Variants in KIAA1328 observed in about 807,000 individuals in gnomAD.
KIAA1328 encodes KIAA1328.
A neutral mutation model predicts 68.1 loss-of-function variants in KIAA1328; 52 were observed. That is an observed-to-expected ratio of 0.76 (90% confidence interval 0.61 to 0.96). KIAA1328 has a LOEUF of 0.96. Ranked by LOEUF, KIAA1328 falls within the 40% of genes least tolerant of loss-of-function variation. The pLI is 0.00. For synonymous variants in KIAA1328, 232 were observed against 239.4 expected (o/e 0.97, Z 0.28); for missense variants, 641 against 677.6 (o/e 0.95, Z 0.60).
chr18:37,167,987 C>T lies in KIAA1328; in HGVS notation c.1415-4986C>T, dbSNP rs201282899. 2.0e-5 allele frequency among the ~76,000 whole-genome samples: 3 copies of T among 152,020 alleles called. No individual in the cohort carries two copies. In the East Asian group the frequency reaches 5.8e-4, roughly 29 times the overall value. On this transcript the variant is annotated intron_variant, in intron 8 of 9. Transcript: ENST00000280020. ...TATACTTAACAAAATACTAGCAAGC[C>T]GAATACAGCATATTGAAAGGATTAT...
intron 4 of KIAA1328, among the ~76,000 whole-genome samples, chr18:36,877,362 T>C (rs1469336514): frequency 2.0e-5 from 3 of 152,184 alleles, no homozygotes; most frequent in Non-Finnish European, 4.4e-5. Flanking sequence ...GCTCCTGTAT[T>C]GGGTGCATAT....
chr18:37,083,924 C>T (rs1227610028), intron 7 of KIAA1328, among the ~76,000 whole-genome samples: 2 of 152,090 alleles, frequency 1.3e-5, no homozygotes, highest in African/African-American at 4.8e-5. Flanking sequence ...CCCTACCTTT[C>T]CTTTAAAGAA....
At chr18:37,206,330 C>G (rs1438619672) in intron 9 of KIAA1328, among the ~76,000 whole-genome samples, 1 of 152,150 alleles carries the variant, frequency 6.6e-6, no homozygotes, top group Non-Finnish European at 1.5e-5. Context: ...GGGTTGAGGA[C>G]AGAAAGAGTA....
intron 7 of KIAA1328, among the ~76,000 whole-genome samples, chr18:37,144,057 T>C (rs1354158238): frequency 6.6e-6 from 1 of 152,142 alleles, no homozygotes; most frequent in African/African-American, 2.4e-5. Flanking sequence ...GCAGTTTTCT[T>C]TGTGGGAACA....
At chr18:36,983,486 A>C (rs542432646) in intron 6 of KIAA1328, among the ~76,000 whole-genome samples, 4 of 152,228 alleles carry the variant, frequency 2.6e-5, no homozygotes, top group African/African-American at 9.6e-5. Context: ...CTCAATGGTT[A>C]ATAGAACGAG....
chr18:36,967,837 C>T (rs749111875), intron 6 of KIAA1328, among the ~76,000 whole-genome samples: 1 of 152,076 alleles, frequency 6.6e-6, no homozygotes, highest in Non-Finnish European at 1.5e-5. Flanking sequence ...TCACTCTTAT[C>T]ATGGGCATCT....
In KIAA1328 at chr18:37,092,927, A is replaced by G. The variant is rs150192327; in HGVS notation, c.1232+25382A>G. On this transcript the variant is annotated intron_variant, in intron 7 of 9. Coordinates refer to ENST00000280020, the MANE Select transcript of KIAA1328 (RefSeq NM_020776.3). Reference sequence around the variant, plus strand: ...CCTGCCACTCTCAGTGCCTGAATAAATCAATGGGGAGACTGAGACTGGCAC... The same window carrying G: ...CCTGCCACTCTCAGTGCCTGAATAAGTCAATGGGGAGACTGAGACTGGCAC... Among the ~76,000 whole-genome samples, 173 of 152,262 alleles carry G rather than the reference A, an allele frequency of 1.1e-3. 1 individual carries two copies. Among genetic ancestry groups the G allele is most frequent in the African/African-American group, 4.0e-3 (166 of 41,542 alleles).
At chr18:37,038,109 A>G (rs2055100886) in intron 6 of KIAA1328, among the ~76,000 whole-genome samples, 1 of 152,080 alleles carries the variant, frequency 6.6e-6, no homozygotes, top group East Asian at 1.9e-4. Context: ...TCAAAAAAAA[A>G]AAGAAAAAAG....
At chr18:36,901,534 C>G (rs1184313575) in intron 5 of KIAA1328, among the ~76,000 whole-genome samples, 2 of 151,964 alleles carry the variant, frequency 1.3e-5, no homozygotes, top group Non-Finnish European at 2.9e-5. Flanking sequence ...AGAGTTGATT[C>G]AGATCTTTTT....
At position 37,063,271 on chromosome 18, in the gene KIAA1328, C is replaced by T. The variant is rs57714660; in HGVS notation, c.577-3619C>T. On this transcript the variant is annotated intron_variant, in intron 6 of 9. Coordinates refer to ENST00000280020, the MANE Select transcript of KIAA1328 (RefSeq NM_020776.3). ...AGATGTTTTTGCCACTTGATTGGCC[C>T]GCCCACAACATAGCAATTTATTTCT... 3.1e-3 allele frequency among the ~76,000 whole-genome samples: 477 copies of T among 152,160 alleles called. 3 individuals are homozygous for T. Among genetic ancestry groups the T allele is most frequent in the African/African-American group, 0.011 (454 of 41,502 alleles).
chr18:37,221,760 T>C (rs1280259271), intron 9 of KIAA1328, among the ~76,000 whole-genome samples: 1 of 152,200 alleles, frequency 6.6e-6, no homozygotes, highest in East Asian at 1.9e-4. Context: ...CTCTTCCCAC[T>C]CTACAATCTC....
intron 5 of KIAA1328, among the ~76,000 whole-genome samples, chr18:36,946,016 A>G (rs1235602211): frequency 6.6e-6 from 1 of 152,208 alleles, no homozygotes; most frequent in Non-Finnish European, 1.5e-5. Context: ...AAATGCTGCA[A>G]TGAGCATTTC....
intron 4 of KIAA1328, among the ~76,000 whole-genome samples, chr18:36,875,994 C>G (rs1327390306): frequency 6.6e-6 from 1 of 151,680 alleles, no homozygotes. Flanking sequence ...GTTGAACCAG[C>G]CTTGCATCCC....
chr18:37,047,604 A>G (rs1321326753), intron 6 of KIAA1328, among the ~76,000 whole-genome samples: 5 of 152,158 alleles, frequency 3.3e-5, no homozygotes, highest in African/African-American at 1.2e-4. Context: ...ACCCTCACAT[A>G]TACCTTTATT....
chr18:37,110,200 T>A (rs528210698), intron 7 of KIAA1328, among the ~76,000 whole-genome samples: 1 of 152,298 alleles, frequency 6.6e-6, no homozygotes, highest in East Asian at 1.9e-4. Flanking sequence ...TATGGTCTAA[T>A]TGATAAAATA....
intron 6 of KIAA1328, among the ~76,000 whole-genome samples, chr18:36,991,380 C>T (rs2053171407): frequency 6.6e-6 from 1 of 151,898 alleles, no homozygotes; most frequent in Non-Finnish European, 1.5e-5. Context: ...TTCCATGTGC[C>T]AAAAAACTTA....
chr18:36,986,277 T>A (rs2052920055), intron 6 of KIAA1328, among the ~76,000 whole-genome samples: 1 of 152,196 alleles, frequency 6.6e-6, no homozygotes, highest in Non-Finnish European at 1.5e-5. Context: ...CAACTACTGA[T>A]ACGTTCAGTA....
At chr18:37,218,596 G>C (rs754767297) in intron 9 of KIAA1328, among the ~76,000 whole-genome samples, 1 of 152,170 alleles carries the variant, frequency 6.6e-6, no homozygotes, top group Non-Finnish European at 1.5e-5. Flanking sequence ...TCTTCCACTC[G>C]ATGGAATCAG....
chr18:37,097,022 A>G (rs374895791), intron 7 of KIAA1328, among the ~76,000 whole-genome samples: 37 of 152,038 alleles, frequency 2.4e-4, no homozygotes, highest in East Asian at 7.8e-4. Context: ...CATTCTGTAG[A>G]TTGCCTGTTC....
Sources: allele counts gnomAD v4.1 joint callset (sites outside exome capture counted in the v4.1 genomes callset), GRCh38; gene constraint gnomAD v4.1.1; transcripts MANE v1.5; gene names NCBI Gene and HGNC (gene_info 2026-07-23, HGNC 2026-07-21).